The following DDX27 variants were observed in gnomAD, a reference collection of about 807,000 sequenced individuals.
The protein encoded by DDX27 is DEAD-box helicase 27, also known as probable ATP-dependent RNA helicase DDX27.
Under a neutral mutation model 99.3 loss-of-function variants are expected in DDX27, and 42 were observed. The observed-to-expected ratio is 0.42, with a 90% confidence interval of 0.33 to 0.55. The LOEUF (loss-of-function observed/expected upper bound fraction) is 0.55, where lower values mean the gene tolerates loss of function less well. Among genes scored for constraint, DDX27 ranks in the 20% least tolerant of loss-of-function variants. The pLI is 0.07. For synonymous variants in DDX27, 329 were observed against 353.8 expected, an observed-to-expected ratio of 0.93 and a Z score of 0.79; for missense variants, 798 against 976.8, an observed-to-expected ratio of 0.82 and a Z score of 2.44.
At chr20:49,225,337 G>T in intron 6 of DDX27, 138 bp downstream of exon 6, 1 of 719,584 alleles carries the variant, frequency 1.4e-6, no homozygotes, top group Non-Finnish European at 2.4e-6. Context: ...CACTGTGCCT[G>T]GCCAGTAGTG....
chr20:49,230,854 T>C (rs1378239396), intron 9 of DDX27, among the ~76,000 whole-genome samples: 1 of 152,148 alleles, frequency 6.6e-6, no homozygotes, highest in East Asian at 1.9e-4. Flanking sequence ...TCCTGAACTC[T>C]GGACTGAGGC....
rs1167809321 is a variant in DDX27 at position 49,242,112 on chromosome 20, C to T, written c.2022C>T (p.Leu674=). 6.2e-7 allele frequency: 1 copy of T among 1,614,228 alleles called. No homozygotes were observed. The highest frequency in any genetic ancestry group is 8.5e-7 in the Non-Finnish European group (1 of 1,180,042). Residue 674 remains leucine (L), a synonymous_variant, in exon 18 of 21, where the codon CTC becomes CTT. Coordinates refer to ENST00000618172, the MANE Select transcript of DDX27 (RefSeq NM_017895.8). ...TAEERSQFEI[L]KAQMFAERLA... ...AGGAAAGGTCTCAGTTTGAAATCCT[C>T]AAGGCGCAGATGTTTGCTGAACGGC...
At chr20:49,232,972 A>G (rs1032237757) in intron 9 of DDX27, among the ~76,000 whole-genome samples, 2 of 151,698 alleles carry the variant, frequency 1.3e-5, no homozygotes, top group Non-Finnish European at 2.9e-5. Flanking sequence ...AGCTGAAGGA[A>G]TTTGAACGTG....
chr20:49,222,915 T>G, intron 2 of DDX27, 42 bp from the exon 3 acceptor site: 2 of 1,526,206 alleles, frequency 1.3e-6, no homozygotes, highest in Non-Finnish European at 1.8e-6. Flanking sequence ...ATTCGATGTT[T>G]CAATGAAAAT....
At chr20:49,233,543 G>A in intron 10 of DDX27, 25 bp from the exon 11 acceptor site, 2 of 1,608,638 alleles carry the variant, frequency 1.2e-6, no homozygotes, top group African/African-American at 1.3e-5. Flanking sequence ...AGAGAGCTGA[G>A]GAAACCTGGC....
chr20:49,227,161 C>T lies in DDX27; in HGVS notation c.706+626C>T, dbSNP rs555073350. 8.6e-5 allele frequency among the ~76,000 whole-genome samples: 13 copies of T among 151,906 alleles called. No homozygotes were observed. The South Asian group carries it at 1.9e-3, about 22-fold the overall frequency. On this transcript the variant is annotated intron_variant, in intron 7 of 20. Coordinates refer to ENST00000618172, the MANE Select transcript of DDX27 (RefSeq NM_017895.8). ...ACAGGCGTGAGCCACCGCGCCCGGCCGAGAGTAAAGGACTTTTAAATTTTT... is the reference window on the plus strand; with the variant it reads ...ACAGGCGTGAGCCACCGCGCCCGGCTGAGAGTAAAGGACTTTTAAATTTTT...
chr20:49,237,588 G>C (rs116601033), intron 14 of DDX27, among the ~76,000 whole-genome samples: 27 of 152,314 alleles, frequency 1.8e-4, no homozygotes, highest in African/African-American at 6.5e-4. Context: ...GAACAAAGCA[G>C]AGCTGTGGTT....
Position 49,230,293 on chromosome 20 carries a change from C to A in DDX27, c.975C>A (p.Asn325Lys). ...GCCGGCTCATCGATCACCTCCACAA[C>A]TGCCCTTCCTTCCACCTGAGCAGCA... ...TPGRLIDHLHNCPSFHLSSIE... is the reference protein window; with the variant it reads ...TPGRLIDHLHKCPSFHLSSIE... Residue 325 changes from asparagine (N) to lysine (K), a missense_variant, in exon 9 of 21, where the codon AAC becomes AAA. By Grantham distance (94) the Asn-to-Lys change is moderately conservative. This residue lies in a region of DDX27 where 553 missense variants were observed against 727.9 expected (regional missense o/e 0.76). Coordinates refer to ENST00000618172, the MANE Select transcript of DDX27 (RefSeq NM_017895.8). The A allele has an allele frequency of 6.2e-7, 1 of 1,612,704 alleles. No individual in the cohort carries two copies. Among genetic ancestry groups the A allele is most frequent in the Non-Finnish European group, 8.5e-7 (1 of 1,180,014 alleles).
At chr20:49,234,369 T>C (rs1225218617) in intron 11 of DDX27, 2 of 152,480 alleles carry the variant, frequency 1.3e-5, no homozygotes, top group African/African-American at 4.8e-5. Context: ...GTTCAAACGA[T>C]TCTCCTGCCT....
chr20:49,227,860 A>C (rs1427926025), intron 7 of DDX27, among the ~76,000 whole-genome samples: 1 of 105,142 alleles, frequency 9.5e-6, no homozygotes, highest in Non-Finnish European at 1.9e-5. Flanking sequence ...TTTTTTTTTG[A>C]GACAGAGTCT....
chr20:49,228,471 C>T (rs1979978000), intron 7 of DDX27, among the ~76,000 whole-genome samples: 1 of 152,170 alleles, frequency 6.6e-6, no homozygotes, highest in Admixed American at 6.5e-5. Flanking sequence ...TGGGGCTTCA[C>T]TATGTTGGCC....
rs771879647 is a variant in DDX27, at chr20:49,234,888, A to T, written c.1274-47A>T. The T allele has an allele frequency of 3.9e-6, 6 of 1,543,360 alleles. No homozygotes were observed. The South Asian group carries it at 7.5e-5, about 19-fold the overall frequency. ...TGGATGAGGAGGGGGTACATGTTGA[A>T]TAAGAGCCTAGAAACAGCTGCCAGC... On this transcript the variant is annotated intron_variant, in intron 11 of 20. Coordinates refer to ENST00000618172, the MANE Select transcript of DDX27 (RefSeq NM_017895.8).
chr20:49,237,350 C>T (rs917350948), intron 14 of DDX27, among the ~76,000 whole-genome samples: 2 of 142,428 alleles, frequency 1.4e-5, no homozygotes, highest in Admixed American at 7.1e-5. Flanking sequence ...ATGAAAAGTA[C>T]GTATTTATTG....
Position 49,243,920 on chromosome 20 carries a change from A to G in DDX27, c.*86A>G, listed in dbSNP as rs1170725222. ...ATCCTGGCTGGTCTGTCTTTTCTCC[A>G]TTTGTTTAAAAAAAAAACAAAAACA... is the stretch of plus-strand genomic sequence containing the variant. On this transcript the variant is annotated 3_prime_UTR_variant, in exon 21 of 21. Coordinates refer to ENST00000618172, the MANE Select transcript of DDX27 (RefSeq NM_017895.8). 6.7e-7 allele frequency: 1 copy of G among 1,501,914 alleles called. No individual in the cohort carries two copies. The highest frequency in any genetic ancestry group is 9.1e-7 in the Non-Finnish European group (1 of 1,100,482). The allele number at this position is 1,501,914 out of a possible 1,614,324, so 93.0% of individuals were successfully genotyped here. A position where few individuals can be genotyped will look rare whatever the true frequency, so the allele number is the denominator to read the frequency against.
chr20:49,232,356 G>T (rs1331256312), intron 9 of DDX27, among the ~76,000 whole-genome samples: 1 of 152,152 alleles, frequency 6.6e-6, no homozygotes, highest in Non-Finnish European at 1.5e-5. Flanking sequence ...TTGGCCTGGC[G>T]TAGTGGCTCA....
rs1331726773 is a variant in DDX27, at chr20:49,236,251, C to T, written c.1509+20C>T. 6.3e-7 allele frequency: 1 copy of T among 1,586,038 alleles called. No individual in the cohort carries two copies. The highest frequency in any genetic ancestry group is 1.4e-5 in the African/African-American group (1 of 74,068). ...AAAACGGTGAGCAGACACTATCTTC[C>T]TTGGACTTTTGGTGGAAGTCTTTTT... On this transcript the variant is annotated intron_variant, in intron 13 of 20. Coordinates refer to ENST00000618172, the MANE Select transcript of DDX27 (RefSeq NM_017895.8). The surrounding 1 kb of genome is among the most constrained non-coding windows in gnomAD (Gnocchi z 4.1).
chr20:49,233,786 T>C, intron 11 of DDX27, 77 bp downstream of exon 11: 1 of 1,524,080 alleles, frequency 6.6e-7, no homozygotes, highest in East Asian at 2.3e-5. Flanking sequence ...CTGAAGTGCT[T>C]GGTTTCCCCT....
At chr20:49,240,475 T>C (rs1980441231) in intron 16 of DDX27, among the ~76,000 whole-genome samples, 2 of 152,186 alleles carry the variant, frequency 1.3e-5, no homozygotes, top group Admixed American at 6.5e-5. Flanking sequence ...TCACTGAGGC[T>C]GGAGTGCAGT....
chr20:49,230,050 G>A (rs568546110), intron 8 of DDX27, 149 bp from the exon 9 acceptor site: 45 of 827,896 alleles, frequency 5.4e-5, no homozygotes, highest in Non-Finnish European at 7.2e-5. Context: ...GTGCGTTTCT[G>A]GGAAACCCAT....
Sources: gnomAD v4.1 joint callset for allele counts (sites outside exome capture counted in the v4.1 genomes callset) on GRCh38, gnomAD v4.1.1 for gene constraint, gnomAD v4.1.1 regional missense constraint, Gnocchi (gnomAD v3.1) non-coding constraint, MANE v1.5 for transcripts, NCBI Gene and HGNC (gene_info 2026-07-23, HGNC 2026-07-21) for gene names.